Variants in SLC2A14 observed in about 807,000 individuals in gnomAD.
SLC2A14 encodes solute carrier family 2 member 14.
Under a neutral mutation model 43.0 loss-of-function variants are expected in SLC2A14, and 13 were observed. The ratio of observed to expected loss-of-function variants is 0.30; its 90% confidence interval spans 0.20 to 0.48. The LOEUF is 0.48. Among genes scored for constraint, SLC2A14 ranks in the 20% least tolerant of loss-of-function variants. SLC2A14 has a pLI of 0.99. For missense variants in SLC2A14, 428 were observed against 620.4 expected (o/e 0.69, Z 3.29); for synonymous variants, 190 against 233.8 (o/e 0.81, Z 1.71).
At chr12:7,884,148 C>G (rs769533745) in intron 1 of SLC2A14, among the ~76,000 whole-genome samples, 12 of 150,106 alleles carry the variant, frequency 8.0e-5, no homozygotes, top group African/African-American at 2.9e-4. Flanking sequence ...TGGTCTTGAT[C>G]TGACCTCGTG....
intron 2 of SLC2A14, among the ~76,000 whole-genome samples, chr12:7,844,535 G>A (rs915668327): frequency 1.4e-5 from 2 of 141,466 alleles, no homozygotes; most frequent in Non-Finnish European, 3.0e-5. Flanking sequence ...CCAGTAAATA[G>A]TAAACTCCTT....
chr12:7,871,224 C>A, intron 1 of SLC2A14: 1 of 1,243,622 alleles, frequency 8.0e-7, no homozygotes, highest in African/African-American at 1.6e-5. Context: ...AGGACCACCT[C>A]CAGGAGCTGC....
intron 2 of SLC2A14, among the ~76,000 whole-genome samples, chr12:7,854,611 G>A (rs1459419487): frequency 9.2e-5 from 14 of 151,852 alleles, no homozygotes; most frequent in Admixed American, 3.3e-4. Context: ...TCCGCCTCCC[G>A]GGTTCAAACA....
chr12:7,870,290 C>G (rs1945153097), intron 1 of SLC2A14, among the ~76,000 whole-genome samples: 1 of 152,092 alleles, frequency 6.6e-6, no homozygotes, highest in Admixed American at 6.6e-5. Flanking sequence ...ATTAGGTAAT[C>G]TTGCTGTCAT....
chr12:7,853,233 G>A (rs766881329), intron 2 of SLC2A14, among the ~76,000 whole-genome samples: 1 of 152,110 alleles, frequency 6.6e-6, no homozygotes, highest in Non-Finnish European at 1.5e-5. Context: ...GAGGTCAGGA[G>A]TTTGAGAGCA....
chr12:7,821,655 C>T lies in SLC2A14; in HGVS notation c.865-330G>A, dbSNP rs777321715. ...TTAAAAGTCCCAGGAGGTAAGAAGT[C>T]CTTTTACTACAATTTTTGTTCAATC... On this transcript the variant is annotated intron_variant, in intron 7 of 10. Transcript: ENST00000431042. Among the ~76,000 whole-genome samples, 17 of 152,100 alleles carry T rather than the reference C, an allele frequency of 1.1e-4. No individual in the cohort carries two copies. In the South Asian group the frequency reaches 3.5e-3, roughly 32 times the overall value.
intron 2 of SLC2A14, chr12:7,839,898 G>A (rs1865782347): frequency 4.7e-6 from 2 of 429,310 alleles, no homozygotes; most frequent in African/African-American, 2.2e-5. Flanking sequence ...GACCAGCCTG[G>A]GCGACACAAG....
At chr12:7,871,700 C>T (rs1488655115) in intron 1 of SLC2A14, among the ~76,000 whole-genome samples, 1 of 152,008 alleles carries the variant, frequency 6.6e-6, no homozygotes, top group Non-Finnish European at 1.5e-5. Flanking sequence ...GGGCTGCTCC[C>T]CAAGGAGGAA....
chr12:7,874,772 C>CGTATTT (rs1565584491), upstream of SLC2A14, among the ~76,000 whole-genome samples: 4 of 78,570 alleles, frequency 5.1e-5, no homozygotes, highest in African/African-American at 2.3e-4. Flanking sequence ...ACTATATAAA[C>CGTATTT]ATATATAAAT....
At chr12:7,827,014 T>TCTC (rs1864518070) in intron 7 of SLC2A14, among the ~76,000 whole-genome samples, 3 of 137,424 alleles carry the variant, frequency 2.2e-5, no homozygotes, top group African/African-American at 7.7e-5. Context: ...TCTCTCTCTC[T>TCTC]CTTTCTCTCC....
chr12:7,835,334 C>T (rs958247896), intron 2 of SLC2A14, among the ~76,000 whole-genome samples: 1 of 152,096 alleles, frequency 6.6e-6, no homozygotes, highest in Non-Finnish European at 1.5e-5. Flanking sequence ...TTGCAGTCAG[C>T]CGAGATTGCG....
At chr12:7,851,926 C>T (rs1301521821) in intron 2 of SLC2A14, among the ~76,000 whole-genome samples, 1 of 152,196 alleles carries the variant, frequency 6.6e-6, no homozygotes, top group Non-Finnish European at 1.5e-5. Flanking sequence ...CAGCATCATT[C>T]TTTGTCTCCC....
intron 7 of SLC2A14, among the ~76,000 whole-genome samples, chr12:7,824,505 G>A (rs1030385579): frequency 6.6e-5 from 10 of 151,674 alleles, no homozygotes; most frequent in Non-Finnish European, 1.2e-4. Context: ...AGGCATAGGC[G>A]GGCAGATCAC....
chr12:7,838,923 A>G (rs1865686897), intron 2 of SLC2A14, among the ~76,000 whole-genome samples: 2 of 151,954 alleles, frequency 1.3e-5, no homozygotes, highest in African/African-American at 4.8e-5. Context: ...TTATGAGAAG[A>G]GGAAGAGGCA....
intron 10 of SLC2A14, among the ~76,000 whole-genome samples, chr12:7,817,536 A>G (rs1322574154): frequency 6.6e-6 from 1 of 152,042 alleles, no homozygotes; most frequent in Non-Finnish European, 1.5e-5. Context: ...TGGGAGGCCA[A>G]GGCGGGCAGA....
intron 2 of SLC2A14, among the ~76,000 whole-genome samples, chr12:7,843,322 A>G (rs1171009268): frequency 5.4e-5 from 8 of 148,968 alleles, no homozygotes; most frequent in African/African-American, 2.0e-4. Flanking sequence ...GGCACGCTGT[A>G]ATGAGTGGGA....
chr12:7,820,125 G>A (rs1348920976), intron 8 of SLC2A14, among the ~76,000 whole-genome samples: 3 of 106,816 alleles, frequency 2.8e-5, no homozygotes, highest in African/African-American at 3.9e-5. Flanking sequence ...CTGAACCCGT[G>A]GAAGCTGACA....
intron 10 of SLC2A14, among the ~76,000 whole-genome samples, chr12:7,816,517 G>A (rs886077025): frequency 8.7e-5 from 13 of 150,216 alleles, no homozygotes; most frequent in African/African-American, 1.2e-4. Flanking sequence ...GATTACAGGC[G>A]TGAGCCATCT....
chr12:7,850,482 G>A (rs900512424), intron 2 of SLC2A14, among the ~76,000 whole-genome samples: 1 of 150,720 alleles, frequency 6.6e-6, no homozygotes, highest in Non-Finnish European at 1.5e-5. Flanking sequence ...TGCAACATCC[G>A]TCTCCTGGGT....
Sources: allele counts gnomAD v4.1 joint callset (sites outside exome capture counted in the v4.1 genomes callset), GRCh38; gene constraint gnomAD v4.1.1; transcripts MANE v1.5; gene names NCBI Gene and HGNC (gene_info 2026-07-23, HGNC 2026-07-21).